DACH1: variants seen among roughly 807,000 people sequenced by gnomAD.
DACH1 encodes the protein dachshund family transcription factor 1.
Under a neutral mutation model 54.2 loss-of-function variants are expected in DACH1, and 12 were observed. The ratio of observed to expected loss-of-function variants is 0.22; its 90% confidence interval spans 0.14 to 0.36. DACH1 has a LOEUF of 0.36. DACH1 is among the 10% of genes least tolerant of loss of function. DACH1 has a pLI of 1.00. For synonymous variants in DACH1, 386 were observed against 366.2 expected (o/e 1.05, Z -0.62); for missense variants, 805 against 929.8 (o/e 0.87, Z 1.75).
chr13:71,520,559 C>T (rs758143667), intron 6 of DACH1, among the ~76,000 whole-genome samples: 1 of 148,838 alleles, frequency 6.7e-6, no homozygotes, highest in African/African-American at 2.5e-5. Flanking sequence ...ATGCTAGGGA[C>T]AAATTATTGA....
chr13:71,561,673 G>A (rs1333496810), intron 4 of DACH1, among the ~76,000 whole-genome samples: 1 of 152,048 alleles, frequency 6.6e-6, no homozygotes, highest in South Asian at 2.1e-4. Flanking sequence ...CTTTGTTACA[G>A]TGGCCCTAGA....
chr13:71,841,839 T>C (rs1379182137), intron 1 of DACH1, among the ~76,000 whole-genome samples: 1 of 152,166 alleles, frequency 6.6e-6, no homozygotes, highest in Non-Finnish European at 1.5e-5. Flanking sequence ...ACTGGAAAAA[T>C]GAAAATGACA....
intron 3 of DACH1, among the ~76,000 whole-genome samples, chr13:71,606,400 A>C (rs1874882651): frequency 6.6e-6 from 1 of 152,016 alleles, no homozygotes; most frequent in South Asian, 2.1e-4. Flanking sequence ...AATTATTCTA[A>C]GGAAATAAAG....
At chr13:71,704,520 G>A in intron 1 of DACH1, 1 of 389,952 alleles carries the variant, frequency 2.6e-6, no homozygotes, top group South Asian at 2.3e-5. Flanking sequence ...ATCAGTAACA[G>A]AAGGAAGCCA....
At chr13:71,846,233 G>A in intron 1 of DACH1, 1 of 249,842 alleles carries the variant, frequency 4.0e-6, no homozygotes. Flanking sequence ...ACAGCGGCAT[G>A]GTTCATGCCA....
At chr13:71,448,094 T>C (rs1420925468) in intron 10 of DACH1, among the ~76,000 whole-genome samples, 1 of 152,174 alleles carries the variant, frequency 6.6e-6, no homozygotes, top group Non-Finnish European at 1.5e-5. Context: ...TGTTAGGAAG[T>C]AGCTTTATTA....
At chr13:71,779,098 A>AAG (rs757737067) in intron 1 of DACH1, among the ~76,000 whole-genome samples, 1 of 136,356 alleles carries the variant, frequency 7.3e-6, no homozygotes, top group African/African-American at 3.0e-5. Context: ...CAAAGGGCTG[A>AAG]ATATATATAT....
At chr13:71,752,646 ATC>A (rs1477891211) in intron 1 of DACH1, among the ~76,000 whole-genome samples, 1 of 152,142 alleles carries the variant, frequency 6.6e-6, no homozygotes, top group Non-Finnish European at 1.5e-5. Flanking sequence ...CCCAAACAAA[ATC>A]TGTCATTTCT....
intron 1 of DACH1, among the ~76,000 whole-genome samples, chr13:71,821,078 T>G (rs1594263032): frequency 6.6e-6 from 1 of 152,168 alleles, no homozygotes; most frequent in Non-Finnish European, 1.5e-5. Flanking sequence ...TAAGTGGACA[T>G]GGTAGGAGGT....
intron 1 of DACH1, among the ~76,000 whole-genome samples, chr13:71,708,466 T>C (rs1882551841): frequency 6.6e-6 from 1 of 152,200 alleles, no homozygotes; most frequent in Admixed American, 6.5e-5. Flanking sequence ...TGTTTTATTT[T>C]GGGCTAAAAT....
chr13:71,763,581 T>C (rs1378598146), intron 1 of DACH1, among the ~76,000 whole-genome samples: 1 of 151,882 alleles, frequency 6.6e-6, no homozygotes, highest in Admixed American at 6.6e-5. Context: ...CAGGCTAAAC[T>C]CAAATTCCTG....
chr13:71,523,412 C>G (rs1290768661), intron 6 of DACH1, among the ~76,000 whole-genome samples: 1 of 152,096 alleles, frequency 6.6e-6, no homozygotes, highest in African/African-American at 2.4e-5. Flanking sequence ...ACAAAAATGA[C>G]TTAAAGGACA....
intron 1 of DACH1, among the ~76,000 whole-genome samples, chr13:71,826,002 A>G (rs1358266581): frequency 6.6e-6 from 1 of 152,126 alleles, no homozygotes; most frequent in Admixed American, 6.6e-5. Context: ...AGAGATGGAA[A>G]GAATTCACAC....
intron 10 of DACH1, among the ~76,000 whole-genome samples, chr13:71,471,987 G>T (rs1877124525): frequency 6.6e-6 from 1 of 152,206 alleles, no homozygotes; most frequent in Non-Finnish European, 1.5e-5. Flanking sequence ...TATGAACTCT[G>T]TCTACTTTAT....
chr13:71,666,778 C>A (rs149295766), intron 2 of DACH1, among the ~76,000 whole-genome samples: 437 of 152,140 alleles, frequency 2.9e-3, no homozygotes, highest in Non-Finnish European at 4.5e-3. Flanking sequence ...GTCAGGAGTT[C>A]GAGACCACCC....
At chr13:71,449,037 A>T (rs930676224) in intron 10 of DACH1, among the ~76,000 whole-genome samples, 1 of 152,170 alleles carries the variant, frequency 6.6e-6, no homozygotes, top group Non-Finnish European at 1.5e-5. Context: ...ATACACCACA[A>T]TAAGAAATAG....
intron 2 of DACH1, among the ~76,000 whole-genome samples, chr13:71,656,968 A>G (rs1594056686): frequency 7.1e-6 from 1 of 141,096 alleles, no homozygotes; most frequent in African/African-American, 2.6e-5. Context: ...AAATATGCAC[A>G]TATATATGAA....
At chr13:71,474,581 C>T (rs1057028437) in intron 10 of DACH1, among the ~76,000 whole-genome samples, 6 of 152,066 alleles carry the variant, frequency 3.9e-5, no homozygotes, top group African/African-American at 1.2e-4. Context: ...ATACAACTCC[C>T]TTTGGTATGC....
At chr13:71,452,996 T>C (rs557392384) in intron 10 of DACH1, among the ~76,000 whole-genome samples, 1 of 152,132 alleles carries the variant, frequency 6.6e-6, no homozygotes, top group African/African-American at 2.4e-5. Context: ...AAGAAAAAAA[T>C]TTATACTGCT....
Sources: allele counts gnomAD v4.1 joint callset (sites outside exome capture counted in the v4.1 genomes callset), GRCh38; gene constraint gnomAD v4.1.1; transcripts MANE v1.5; gene names NCBI Gene and HGNC (gene_info 2026-07-23, HGNC 2026-07-21).